Variants in CDH1 observed in about 807,000 individuals in gnomAD.
CDH1 encodes the protein cadherin 1, also known as cadherin-1.
Under a neutral mutation model 84.5 loss-of-function variants are expected in CDH1, and 35 were observed. That is an observed-to-expected ratio of 0.41 (90% CI 0.32 to 0.55). CDH1 has a LOEUF of 0.55. CDH1 is among the 20% of genes least tolerant of loss of function. The pLI is 0.19. For missense variants in CDH1, 994 were observed against 1,126.6 expected, an observed-to-expected ratio of 0.88 and a Z score of 1.68; for synonymous variants, 417 against 439.0, an observed-to-expected ratio of 0.95 and a Z score of 0.63.
At chr16:68,790,073 AC>A (rs767556204) in intron 2 of CDH1, among the ~76,000 whole-genome samples, 7 of 152,272 alleles carry the variant, frequency 4.6e-5, no homozygotes, top group South Asian at 4.1e-4. Flanking sequence ...AAAAACAAAA[AC>A]AAAAAACCCA....
chr16:68,747,143 A>G (rs2152116752), intron 2 of CDH1, among the ~76,000 whole-genome samples: 1 of 152,308 alleles, frequency 6.6e-6, no homozygotes, highest in Middle Eastern at 3.4e-3. Context: ...GAATGTGTTC[A>G]GGGGATGCCA....
chr16:68,774,085 T>A (rs1224680623), intron 2 of CDH1, among the ~76,000 whole-genome samples: 1 of 152,096 alleles, frequency 6.6e-6, no homozygotes, highest in Non-Finnish European at 1.5e-5. Flanking sequence ...CTGGCTAATT[T>A]TAAATTTTTT....
At chr16:68,739,205 G>A (rs1313294727) in intron 2 of CDH1, among the ~76,000 whole-genome samples, 1 of 151,870 alleles carries the variant, frequency 6.6e-6, no homozygotes, top group Non-Finnish European at 1.5e-5. Flanking sequence ...ACAAGGTCAG[G>A]AGTTCGAGAC....
At chr16:68,795,859 G>A (rs1428091066) in intron 2 of CDH1, among the ~76,000 whole-genome samples, 1 of 151,422 alleles carries the variant, frequency 6.6e-6, no homozygotes, top group East Asian at 2.0e-4. Context: ...AGTTCAAATG[G>A]TCTTTGAATA....
Position 68,833,919 on chromosome 16 carries a change from T to G in CDH1, c.*420T>G, listed in dbSNP as rs1961568188. On this transcript the variant is annotated 3_prime_UTR_variant, in exon 16 of 16. Coordinates refer to ENST00000261769, the MANE Select transcript of CDH1 (RefSeq NM_004360.5). ...TGTATATAATTTTTTAAAAAAAATT[T>G]GTGTGCTTCTGCTCATTACTACACT... 1 of 338,464 alleles carries G rather than the reference T, an allele frequency of 3.0e-6. No individual in the cohort carries two copies. The highest frequency in any genetic ancestry group is 4.1e-5 in the South Asian group (1 of 24,284). The allele number at this position is 338,464 out of a possible 1,614,324, so 21.0% of individuals were successfully genotyped here. A position where few individuals can be genotyped will look rare whatever the true frequency, so the allele number is the denominator to read the frequency against.
At position 68,738,354 on chromosome 16, in the gene CDH1, A is replaced by T. The variant is rs1555509773; in HGVS notation, c.106A>T (p.Ser36Cys). ...EPCHPGFDAE[S>C]YTFTVPRRHL... is the part of the protein sequence containing the mutation. The stretch of plus-strand genomic sequence containing the variant: ...CTGCCACCCTGGCTTTGACGCCGAG[A>T]GCTACACGTTCACGGTGCCCCGGCG... The change falls in exon 2 of 16, where the codon AGC becomes TGC. Residue 36 changes from serine to cysteine, a missense_variant. Physicochemically the swap from Ser to Cys is moderately radical, Grantham distance 112 (BLOSUM62 -1). Coordinates refer to ENST00000261769, the MANE Select transcript of CDH1 (RefSeq NM_004360.5). 1 of 1,551,216 alleles carries T rather than the reference A, an allele frequency of 6.4e-7. No individual in the cohort carries two copies. Among genetic ancestry groups the T allele is most frequent in the Non-Finnish European group, 8.7e-7 (1 of 1,146,788 alleles).
intron 2 of CDH1, among the ~76,000 whole-genome samples, chr16:68,796,775 G>A (rs1008968408): frequency 3.4e-5 from 5 of 148,744 alleles, no homozygotes; most frequent in Non-Finnish European, 3.0e-5. Context: ...AAAAAAAAAA[G>A]AATTCATTCT....
chr16:68,814,547 GA>G (rs1161708784), intron 9 of CDH1: 9 of 145,988 alleles, frequency 6.2e-5, no homozygotes, highest in Non-Finnish European at 6.0e-5. Flanking sequence ...GACTCTGTCT[GA>G]AAAAAAAAAG....
intron 2 of CDH1, among the ~76,000 whole-genome samples, chr16:68,756,559 G>A (rs1005440098): frequency 1.3e-5 from 2 of 152,154 alleles, no homozygotes; most frequent in Non-Finnish European, 2.9e-5. Context: ...GTGCTAAAAG[G>A]TTTTGGAGAA....
In CDH1 at chr16:68,808,787, G is replaced by A. The variant is rs1060501243; in HGVS notation, c.626G>A (p.Arg209Lys). 1 of 1,614,176 alleles carries A rather than the reference G, an allele frequency of 6.2e-7. No homozygotes were observed. Among genetic ancestry groups the A allele is most frequent in the Non-Finnish European group, 8.5e-7 (1 of 1,180,016 alleles). Residue 209 changes from arginine (R) to lysine (K), a missense_variant, in exon 5 of 16, where the codon AGA (arginine) becomes AAA (lysine). Around this residue, in one of 3 missense-constraint regions of CDH1, gnomAD observed 769 missense variants for 881.8 expected, o/e 0.87. Coordinates refer to ENST00000261769, the MANE Select transcript of CDH1 (RefSeq NM_004360.5). The stretch of plus-strand genomic sequence containing the variant: ...CCTGTTGGTGTCTTTATTATTGAAA[G>A]AGAAACAGGATGGCTGAAGGTGACA... ...TPPVGVFIIE[R>K]ETGWLKVTEP...
At position 68,811,867 on chromosome 16, in the gene CDH1, GTCAGGAGGA is replaced by G. The variant is rs1567506816; in HGVS notation, c.1008+11_1008+19del. 3.1e-6 allele frequency: 5 copies of G among 1,614,004 alleles called. 1 individual carries two copies. Among genetic ancestry groups the G allele is most frequent in the Non-Finnish European group, 4.2e-6 (5 of 1,179,950 alleles). On this transcript the variant is annotated intron_variant, in intron 7 of 15. Transcript: ENST00000261769. Reference sequence around the variant, plus strand: ...ACTGGGCTGGACCGAGAGGTCAGGGGTCAGGAGGATCCAGAGGGTGTGGAGGACAAATGT... The same window carrying G: ...ACTGGGCTGGACCGAGAGGTCAGGGGTCCAGAGGGTGTGGAGGACAAATGT...
chr16:68,808,337 G>A, intron 3 of CDH1, 87 bp from the exon 4 acceptor site: 2 of 1,367,338 alleles, frequency 1.5e-6, no homozygotes, highest in Non-Finnish European at 2.1e-6. Flanking sequence ...AGAAGGCTGG[G>A]GACGCTGTCT....
intron 2 of CDH1, among the ~76,000 whole-genome samples, chr16:68,751,587 C>T (rs570412880): frequency 6.6e-6 from 1 of 152,302 alleles, no homozygotes; most frequent in South Asian, 2.1e-4. Context: ...ACTGCAACCT[C>T]TGCCTCCTGG....
chr16:68,741,823 G>A (rs925913979), intron 2 of CDH1, among the ~76,000 whole-genome samples: 5 of 152,246 alleles, frequency 3.3e-5, no homozygotes, highest in Admixed American at 2.6e-4. Flanking sequence ...GGGATTGCAG[G>A]CACATGCCAC....
At chr16:68,752,954 C>T (rs9932773) in intron 2 of CDH1, among the ~76,000 whole-genome samples, 4,836 of 152,182 alleles carry the variant, frequency 0.032, 271 homozygotes, top group African/African-American at 0.11. Context: ...TCCTTCAGAC[C>T]CATGAATTGT....
At chr16:68,741,145 C>G (rs1410236098) in intron 2 of CDH1, among the ~76,000 whole-genome samples, 2 of 151,918 alleles carry the variant, frequency 1.3e-5, no homozygotes, top group African/African-American at 4.8e-5. Context: ...ATCCGCAGGC[C>G]TCTGGTGTGG....
At chr16:68,757,967 C>CTTT (rs58385798) in intron 2 of CDH1, among the ~76,000 whole-genome samples, 16 of 113,352 alleles carry the variant, frequency 1.4e-4, no homozygotes, top group African/African-American at 2.7e-4. Flanking sequence ...CCAGGCTAAT[C>CTTT]TTTTTTTTTT....
intron 2 of CDH1, among the ~76,000 whole-genome samples, chr16:68,796,900 G>A (rs1960376710): frequency 6.6e-6 from 1 of 152,198 alleles, no homozygotes; most frequent in Non-Finnish European, 1.5e-5. Flanking sequence ...CACTTTGGGA[G>A]GCTGAGGTTG....
chr16:68,766,237 C>T (rs1032727001), intron 2 of CDH1, among the ~76,000 whole-genome samples: 2 of 152,094 alleles, frequency 1.3e-5, no homozygotes, highest in Non-Finnish European at 2.9e-5. Context: ...CCAGCCTGGG[C>T]GACAGAGTGA....
Sources: allele counts gnomAD v4.1 joint callset (sites outside exome capture counted in the v4.1 genomes callset), GRCh38; gene constraint gnomAD v4.1.1; regional missense constraint gnomAD v4.1.1; transcripts MANE v1.5; gene names NCBI Gene and HGNC (gene_info 2026-07-23, HGNC 2026-07-21).